The following MDGA2 variants were observed in gnomAD, a reference collection of about 807,000 sequenced individuals.
The protein encoded by MDGA2 is MAM domain-containing glycosylphosphatidylinositol anchor protein 2.
In MDGA2, 40 loss-of-function variants were observed where a neutral mutation model predicts 117.8. The observed-to-expected ratio is 0.34, with a 90% CI of 0.26 to 0.44. The LOEUF (loss-of-function observed/expected upper bound fraction) is 0.44. Among genes scored for constraint, MDGA2 ranks in the 20% least tolerant of loss-of-function variants. The probability of loss-of-function intolerance (pLI) is 1.00; values close to 1 mark genes in which losing one functional copy is unlikely to be tolerated. For missense variants in MDGA2, 1,123 were observed against 1,250.6 expected (o/e 0.90, Z 1.54); for synonymous variants, 452 against 439.0 (o/e 1.03, Z -0.37).
chr14:47,631,460 C>T (rs1897248090), intron 1 of MDGA2, among the ~76,000 whole-genome samples: 1 of 152,092 alleles, frequency 6.6e-6, no homozygotes, highest in Admixed American at 6.5e-5. Flanking sequence ...AAACGAAAAG[C>T]CCTCTTTGTC....
At chr14:47,588,312 A>G (rs1896371522) in intron 1 of MDGA2, among the ~76,000 whole-genome samples, 1 of 149,082 alleles carries the variant, frequency 6.7e-6, no homozygotes, top group African/African-American at 2.5e-5. Context: ...TAAGTAATTT[A>G]ATGATTAACA....
At chr14:47,206,937 GA>G (rs1885706279) in intron 3 of MDGA2, among the ~76,000 whole-genome samples, 1 of 152,016 alleles carries the variant, frequency 6.6e-6, no homozygotes, top group South Asian at 2.1e-4. Flanking sequence ...CCATTTCTTA[GA>G]AGTCAGAGAT....
intron 1 of MDGA2, among the ~76,000 whole-genome samples, chr14:47,664,406 AG>A (rs1897904765): frequency 2.0e-5 from 3 of 151,700 alleles, no homozygotes; most frequent in Admixed American, 2.0e-4. Context: ...TAAGAACAGA[AG>A]GGAAACTCTC....
At chr14:47,502,368 C>T (rs1201717038) in intron 1 of MDGA2, among the ~76,000 whole-genome samples, 4 of 152,068 alleles carry the variant, frequency 2.6e-5, no homozygotes, top group Non-Finnish European at 4.4e-5. Flanking sequence ...AGAATAAATG[C>T]ATATACTCAA....
chr14:47,198,443 G>C (rs1292525531), intron 3 of MDGA2, among the ~76,000 whole-genome samples: 3 of 152,042 alleles, frequency 2.0e-5, no homozygotes, highest in African/African-American at 7.2e-5. Context: ...TTGGTGGCAG[G>C]CACCTGTAGT....
intron 2 of MDGA2, among the ~76,000 whole-genome samples, chr14:47,277,655 AG>A (rs1888349710): frequency 6.6e-6 from 1 of 152,202 alleles, no homozygotes. Flanking sequence ...AAAAGCATAT[AG>A]GTCACTTGGA....
At chr14:46,912,511 T>A (rs1345137274) in intron 10 of MDGA2, among the ~76,000 whole-genome samples, 1 of 152,184 alleles carries the variant, frequency 6.6e-6, no homozygotes, top group African/African-American at 2.4e-5. Context: ...TGCTCCCCTA[T>A]CACTCCAGCC....
chr14:47,186,894 T>A (rs2139390788), intron 3 of MDGA2, among the ~76,000 whole-genome samples: 1 of 152,080 alleles, frequency 6.6e-6, no homozygotes, highest in Middle Eastern at 3.4e-3. Flanking sequence ...CTTTTGACAA[T>A]CTGTTCTCTT....
intron 3 of MDGA2, chr14:47,200,744 T>G (rs1885472180): frequency 3.4e-6 from 3 of 875,774 alleles, no homozygotes; most frequent in Non-Finnish European, 5.6e-6. Context: ...TGCCTGCTAC[T>G]TCCAGCCAAC....
intron 10 of MDGA2, among the ~76,000 whole-genome samples, chr14:46,905,030 A>G (rs1273784953): frequency 2.0e-5 from 3 of 152,224 alleles, no homozygotes; most frequent in African/African-American, 7.2e-5. Flanking sequence ...ATAATGGAAC[A>G]TGCAGGGACA....
At chr14:46,852,279 A>T (rs1430712336) in intron 15 of MDGA2, among the ~76,000 whole-genome samples, 1 of 151,650 alleles carries the variant, frequency 6.6e-6, no homozygotes, top group East Asian at 1.9e-4. Context: ...CACAGTGTTC[A>T]GGATACTAGA....
At chr14:47,346,373 T>A (rs937631993) in intron 1 of MDGA2, among the ~76,000 whole-genome samples, 13 of 152,190 alleles carry the variant, frequency 8.5e-5, no homozygotes, top group Non-Finnish European at 1.8e-4. Context: ...CATCATATAA[T>A]CTTGTGTCTG....
chr14:46,950,266 C>A (rs981715031), intron 9 of MDGA2, among the ~76,000 whole-genome samples: 1 of 151,694 alleles, frequency 6.6e-6, no homozygotes, highest in Non-Finnish European at 1.5e-5. Context: ...ATTGATTATT[C>A]AAATATTCCT....
chr14:47,534,108 G>C lies in MDGA2; in HGVS notation c.280+140409C>G, dbSNP rs150848311. Among the ~76,000 whole-genome samples the C allele has an allele frequency of 1.1e-3, 173 of 152,220 alleles. 1 individual carries two copies. Among genetic ancestry groups the C allele is most frequent in the Non-Finnish European group, 2.2e-3 (149 of 68,004 alleles). On this transcript the variant is annotated intron_variant, in intron 1 of 16. Transcript: ENST00000399232. ...GGGAAAAAAAGTATCCAATGGGTGA[G>C]ACATGGGGCTCAATAGAAGTTCAAA...
chr14:47,208,880 G>A (rs1255375917), intron 3 of MDGA2, among the ~76,000 whole-genome samples: 1 of 151,900 alleles, frequency 6.6e-6, no homozygotes, highest in African/African-American at 2.4e-5. Context: ...GTAACAATAA[G>A]AGCAAAAGTA....
chr14:47,362,429 G>A (rs1251383655), intron 1 of MDGA2, among the ~76,000 whole-genome samples: 2 of 152,044 alleles, frequency 1.3e-5, no homozygotes, highest in Non-Finnish European at 2.9e-5. Context: ...GCTTTAAAAT[G>A]CATGGATTTG....
At chr14:47,344,595 T>C (rs565318923) in intron 1 of MDGA2, among the ~76,000 whole-genome samples, 1 of 151,804 alleles carries the variant, frequency 6.6e-6, no homozygotes, top group South Asian at 2.1e-4. Context: ...TTTGTTTTTG[T>C]TTGTTTGTTT....
chr14:46,921,274 ACT>A (rs894185295), intron 9 of MDGA2, among the ~76,000 whole-genome samples: 37 of 151,894 alleles, frequency 2.4e-4, no homozygotes, highest in African/African-American at 8.2e-4. Flanking sequence ...TTTTATCATC[ACT>A]CATTTAACAT....
chr14:47,416,786 C>T (rs1892484809), intron 1 of MDGA2, among the ~76,000 whole-genome samples: 1 of 152,172 alleles, frequency 6.6e-6, no homozygotes, highest in Non-Finnish European at 1.5e-5. Context: ...CCCACCTTGG[C>T]CTACTGGAGC....
Sources: allele counts gnomAD v4.1 joint callset (sites outside exome capture counted in the v4.1 genomes callset), GRCh38; gene constraint gnomAD v4.1.1; transcripts MANE v1.5; gene names NCBI Gene and HGNC (gene_info 2026-07-23, HGNC 2026-07-21).